The following VPS41 variants were observed in gnomAD, a reference collection of about 807,000 sequenced individuals.
VPS41 encodes VPS41 subunit of HOPS complex.
In VPS41, 85 loss-of-function variants were observed where a neutral mutation model predicts 130.9. That is an observed-to-expected ratio of 0.65 (90% CI 0.55 to 0.78). The LOEUF (loss-of-function observed/expected upper bound fraction) is 0.78, where lower values mean the gene tolerates loss of function less well. Among genes scored for constraint, VPS41 ranks in the 30% least tolerant of loss-of-function variants. VPS41 has a pLI of 0.00. For missense variants in VPS41, 874 were observed against 1,018.7 expected, an observed-to-expected ratio of 0.86 and a Z score of 1.93; for synonymous variants, 335 against 332.9, an observed-to-expected ratio of 1.01 and a Z score of -0.07.
intron 10 of VPS41, among the ~76,000 whole-genome samples, chr7:38,783,533 C>CA (rs553914032): frequency 0.012 from 1,632 of 140,430 alleles, 25 homozygotes; most frequent in African/African-American, 0.036. Context: ...AACTCTGTCT[C>CA]AAAAAAAAAA....
intron 4 of VPS41, among the ~76,000 whole-genome samples, chr7:38,848,745 C>T (rs150137611): frequency 0.015 from 2,311 of 152,268 alleles, 17 homozygotes; most frequent in African/African-American, 0.022. Context: ...TGACCCCAAG[C>T]CTGGCCTGCG....
chr7:38,890,289 T>C (rs1335832886), intron 2 of VPS41, among the ~76,000 whole-genome samples: 2 of 152,230 alleles, frequency 1.3e-5, no homozygotes, highest in African/African-American at 4.8e-5. Flanking sequence ...TTCCAAAGGT[T>C]ACGCTCTATA....
intron 17 of VPS41, among the ~76,000 whole-genome samples, chr7:38,761,268 T>C (rs1382686690): frequency 0.02 from 337 of 16,926 alleles, 2 homozygotes; most frequent in Middle Eastern, 0.038. Context: ...CCTCTCTTTT[T>C]TTTTTTTTTT....
chr7:38,788,689 T>C (rs1037386607), intron 10 of VPS41, among the ~76,000 whole-genome samples: 5 of 152,226 alleles, frequency 3.3e-5, no homozygotes, highest in African/African-American at 1.2e-4. Flanking sequence ...TTGTCTCTTA[T>C]CTTGGTCCTC....
At chr7:38,788,971 C>T (rs774388071) in intron 10 of VPS41, among the ~76,000 whole-genome samples, 1 of 152,058 alleles carries the variant, frequency 6.6e-6, no homozygotes, top group Non-Finnish European at 1.5e-5. Context: ...TTGATATTAC[C>T]CATCCACCAA....
intron 22 of VPS41, among the ~76,000 whole-genome samples, chr7:38,746,986 C>A (rs188701876): frequency 6.6e-6 from 1 of 152,164 alleles, no homozygotes; most frequent in Non-Finnish European, 1.5e-5. Flanking sequence ...ACCAACACTT[C>A]CACGTGACAG....
At chr7:38,738,072 G>C (rs1299361101) in intron 25 of VPS41, among the ~76,000 whole-genome samples, 1 of 152,152 alleles carries the variant, frequency 6.6e-6, no homozygotes, top group African/African-American at 2.4e-5. Flanking sequence ...CTTTCCTTAA[G>C]GGTTAGACTC....
chr7:38,798,668 A>T (rs771844257), intron 7 of VPS41, among the ~76,000 whole-genome samples: 4 of 152,126 alleles, frequency 2.6e-5, no homozygotes, highest in Non-Finnish European at 5.9e-5. Flanking sequence ...GATGGAGGTG[A>T]TCGTCCGAAA....
rs186421186 is a variant in VPS41 at position 38,883,526 on chromosome 7, G to T, written c.61-14273C>A. On this transcript the variant is annotated intron_variant, in intron 2 of 28. Coordinates refer to ENST00000310301, the MANE Select transcript of VPS41 (RefSeq NM_014396.4). ...CAGCAACTCCTCAGACCACTCCATAGTCCCCTTAACTAGTGTTATTTCACT... is the reference window on the plus strand; with the variant it reads ...CAGCAACTCCTCAGACCACTCCATATTCCCCTTAACTAGTGTTATTTCACT... Among the ~76,000 whole-genome samples the T allele has an allele frequency of 9.9e-4, 150 of 152,180 alleles. 2 individuals are homozygous for T. The highest frequency in any genetic ancestry group is 3.5e-3 in the African/African-American group (144 of 41,524).
In VPS41 at chr7:38,780,638, T is replaced by C. The variant is rs138617289; in HGVS notation, c.785-3862A>G. ...GGAGGCTAGAGGCCCCTTGATTAGCTGCCCCATGGAAATATAATGTGGGCC... is the reference window on the plus strand; with the variant it reads ...GGAGGCTAGAGGCCCCTTGATTAGCCGCCCCATGGAAATATAATGTGGGCC... On this transcript the variant is annotated intron_variant, in intron 10 of 28. Transcript: ENST00000310301. Among the ~76,000 whole-genome samples, 845 of 152,268 alleles carry C rather than the reference T, an allele frequency of 5.5e-3. 7 individuals carry two copies. Among genetic ancestry groups the C allele is most frequent in the African/African-American group, 0.018 (767 of 41,554 alleles).
intron 14 of VPS41, 26 bp downstream of exon 14, chr7:38,771,172 T>C: frequency 6.6e-7 from 1 of 1,506,798 alleles, no homozygotes; most frequent in South Asian, 1.2e-5. Context: ...TAAAATTATG[T>C]TTCAAATAAC....
intron 14 of VPS41, among the ~76,000 whole-genome samples, chr7:38,768,767 T>C (rs754597080): frequency 3.3e-5 from 5 of 152,174 alleles, no homozygotes; most frequent in Admixed American, 6.5e-5. Context: ...CTCACGTCCA[T>C]GCTTCTCCAC....
At chr7:38,743,594 T>C in intron 23 of VPS41, 52 bp from the exon 24 acceptor site, 5 of 1,584,848 alleles carry the variant, frequency 3.2e-6, no homozygotes, top group Non-Finnish European at 4.3e-6. Context: ...TTTTAATAAT[T>C]TTTTTAAAGA....
chr7:38,791,309 T>C (rs557964576), intron 9 of VPS41, among the ~76,000 whole-genome samples: 1 of 152,362 alleles, frequency 6.6e-6, no homozygotes, highest in South Asian at 2.1e-4. Context: ...ACAACTGTTT[T>C]AATGTGCTGA....
intron 12 of VPS41, 108 bp downstream of exon 12, chr7:38,774,007 T>A: frequency 8.8e-7 from 1 of 1,136,578 alleles, no homozygotes; most frequent in Non-Finnish European, 1.2e-6. Flanking sequence ...GCAGGTATTC[T>A]CTTAAGATTC....
intron 10 of VPS41, among the ~76,000 whole-genome samples, chr7:38,787,652 A>T (rs1784463990): frequency 6.6e-6 from 1 of 152,240 alleles, no homozygotes; most frequent in African/African-American, 2.4e-5. Context: ...TAAGAAATGT[A>T]CAGCCATACG....
At chr7:38,812,744 C>T (rs1784969468) in intron 7 of VPS41, among the ~76,000 whole-genome samples, 1 of 152,062 alleles carries the variant, frequency 6.6e-6, no homozygotes. Flanking sequence ...ATAAACATTT[C>T]TCCAAAGAAG....
intron 2 of VPS41, among the ~76,000 whole-genome samples, chr7:38,881,416 C>A (rs1786604427): frequency 6.6e-6 from 1 of 152,190 alleles, no homozygotes; most frequent in African/African-American, 2.4e-5. Context: ...CTACAGTCAG[C>A]TGATTAGCAA....
chr7:38,849,504 C>T (rs912527951), intron 4 of VPS41, among the ~76,000 whole-genome samples: 3 of 152,148 alleles, frequency 2.0e-5, no homozygotes, highest in Admixed American at 6.5e-5. Context: ...TGGGGGAGCC[C>T]GAAAGGAGAC....
Sources: gnomAD v4.1 joint callset for allele counts (sites outside exome capture counted in the v4.1 genomes callset) on GRCh38, gnomAD v4.1.1 for gene constraint, MANE v1.5 for transcripts, NCBI Gene and HGNC (gene_info 2026-07-23, HGNC 2026-07-21) for gene names.